The following RGS6 variants were observed in gnomAD, a reference collection of about 807,000 sequenced individuals.
The protein encoded by RGS6 is regulator of G-protein signaling 6.
Under a neutral mutation model 78.5 loss-of-function variants are expected in RGS6, and 30 were observed. The observed-to-expected ratio is 0.38, with a 90% CI of 0.29 to 0.52. The LOEUF is 0.52. Ranked by LOEUF, RGS6 falls within the 20% of genes least tolerant of loss-of-function variation. The probability of loss-of-function intolerance (pLI) is 0.85; values close to 1 mark genes in which losing one functional copy is unlikely to be tolerated. For synonymous variants in RGS6, 206 were observed against 206.0 expected, an observed-to-expected ratio of 1.00 and a Z score of 0.00; for missense variants, 495 against 609.7, an observed-to-expected ratio of 0.81 and a Z score of 1.98.
chr14:72,235,452 C>T (rs1236417864), intron 2 of RGS6, among the ~76,000 whole-genome samples: 2 of 152,206 alleles, frequency 1.3e-5, no homozygotes, highest in African/African-American at 2.4e-5. Flanking sequence ...TTGAAATAAA[C>T]TTTAATGAAC....
chr14:72,414,515 C>T (rs575070124), intron 3 of RGS6, among the ~76,000 whole-genome samples: 1 of 152,134 alleles, frequency 6.6e-6, no homozygotes, highest in Non-Finnish European at 1.5e-5. Context: ...TTCGAACTTC[C>T]TCCTTTAGCT....
Position 72,415,625 on chromosome 14 carries a change from G to A in RGS6, c.185-38903G>A, listed in dbSNP as rs139912473. Among the ~76,000 whole-genome samples the A allele has an allele frequency of 5.9e-4, 90 of 152,298 alleles. No individual in the cohort carries two copies. The East Asian group carries it at 7.2e-3, about 12-fold the overall frequency. ...AATGCACAAATCACCCATCTTCTGCGCTGGTCATGCTGGGAGCTGTAGACT... is the reference window on the plus strand; with the variant it reads ...AATGCACAAATCACCCATCTTCTGCACTGGTCATGCTGGGAGCTGTAGACT... On this transcript the variant is annotated intron_variant, in intron 3 of 17. Transcript: ENST00000553525.
chr14:72,341,447 T>C (rs1048814048), intron 2 of RGS6, among the ~76,000 whole-genome samples: 2 of 152,194 alleles, frequency 1.3e-5, no homozygotes, highest in Non-Finnish European at 2.9e-5. Context: ...CATAGTAACA[T>C]GTATAATACA....
At chr14:72,361,083 CTTTTTTT>C (rs56251149) in intron 3 of RGS6, among the ~76,000 whole-genome samples, 1 of 138,408 alleles carries the variant, frequency 7.2e-6, no homozygotes, top group African/African-American at 2.6e-5. Flanking sequence ...AATCAAACCT[CTTTTTTT>C]TTTTTTTTTT....
intron 2 of RGS6, among the ~76,000 whole-genome samples, chr14:72,180,794 A>G (rs2097164023): frequency 6.6e-6 from 1 of 152,206 alleles, no homozygotes; most frequent in Non-Finnish European, 1.5e-5. Context: ...GGGTCCTGAT[A>G]TAAATGATAC....
chr14:71,877,796 T>A, the RGS6 span, among the ~76,000 whole-genome samples: 2 of 152,252 alleles, frequency 1.3e-5, no homozygotes, highest in African/African-American at 4.8e-5. Context: ...TGCTCTGGTT[T>A]CTCCCCCTCT....
chr14:72,074,228 G>A (rs528200383), intron 2 of RGS6, among the ~76,000 whole-genome samples: 1 of 152,248 alleles, frequency 6.6e-6, no homozygotes, highest in South Asian at 2.1e-4. Flanking sequence ...GCAGGGTCTC[G>A]CTCTGCCGCT....
At chr14:72,441,879 G>A (rs557377819) in intron 3 of RGS6, among the ~76,000 whole-genome samples, 1 of 152,204 alleles carries the variant, frequency 6.6e-6, no homozygotes, top group Non-Finnish European at 1.5e-5. Flanking sequence ...CTGCCAACTG[G>A]CATTGCCCAG....
the RGS6 span, among the ~76,000 whole-genome samples, chr14:72,603,785 T>C: frequency 6.6e-6 from 1 of 152,236 alleles, no homozygotes; most frequent in South Asian, 2.1e-4. Flanking sequence ...GCTTGGGTGG[T>C]TGGGGTGGCA....
the RGS6 span, among the ~76,000 whole-genome samples, chr14:71,919,996 A>AAAAAT: frequency 3.9e-5 from 6 of 152,322 alleles, no homozygotes; most frequent in Admixed American, 6.5e-5. Context: ...TCTGTCTCAA[A>AAAAAT]AAAATAAAAT....
intron 2 of RGS6, among the ~76,000 whole-genome samples, chr14:72,202,868 T>C (rs2041871283): frequency 6.6e-6 from 1 of 151,798 alleles, no homozygotes; most frequent in Non-Finnish European, 1.5e-5. Flanking sequence ...TCCTGTTTTT[T>C]GTTTTGTTTT....
chr14:72,547,155 A>G, intron 17 of RGS6: 2 of 1,534,048 alleles, frequency 1.3e-6, no homozygotes, highest in South Asian at 1.2e-5. Flanking sequence ...GCCTCTGCCT[A>G]GGACAGAGCC....
At chr14:72,134,505 A>T (rs2096396942) in intron 2 of RGS6, among the ~76,000 whole-genome samples, 1 of 152,226 alleles carries the variant, frequency 6.6e-6, no homozygotes, top group African/African-American at 2.4e-5. Context: ...ATAGTTATTA[A>T]TTAGGTCCTT....
At chr14:71,964,432 G>C (rs1460502993) in intron 1 of RGS6, among the ~76,000 whole-genome samples, 1 of 152,170 alleles carries the variant, frequency 6.6e-6, no homozygotes, top group East Asian at 1.9e-4. Flanking sequence ...CTTAAACCCG[G>C]GAGGCGGAGG....
chr14:72,157,548 G>A (rs1239097225), intron 2 of RGS6, among the ~76,000 whole-genome samples: 4 of 152,172 alleles, frequency 2.6e-5, no homozygotes, highest in Non-Finnish European at 5.9e-5. Flanking sequence ...TTCTGTGGGC[G>A]TGTACTGCTG....
At chr14:71,887,621 G>T in the RGS6 span, among the ~76,000 whole-genome samples, 2 of 152,144 alleles carry the variant, frequency 1.3e-5, no homozygotes, top group South Asian at 4.1e-4. Flanking sequence ...AGTACCTTCA[G>T]GCTTACTAGG....
intron 3 of RGS6, among the ~76,000 whole-genome samples, chr14:72,361,620 A>C (rs910018044): frequency 4.6e-5 from 7 of 152,160 alleles, no homozygotes; most frequent in African/African-American, 1.7e-4. Flanking sequence ...TTTTTGGAGG[A>C]GAGGAGGTTA....
At chr14:72,612,485 G>C in the RGS6 span, 1 of 518,332 alleles carries the variant, frequency 1.9e-6, no homozygotes, top group Non-Finnish European at 3.8e-6. Flanking sequence ...TTGAAAATGT[G>C]CACGGGGTAT....
intron 2 of RGS6, among the ~76,000 whole-genome samples, chr14:72,049,584 A>C (rs1345393295): frequency 6.6e-6 from 1 of 152,240 alleles, no homozygotes; most frequent in East Asian, 1.9e-4. Flanking sequence ...AGCCAGAAGC[A>C]CACAAATGGG....
Sources: allele counts gnomAD v4.1 joint callset (sites outside exome capture counted in the v4.1 genomes callset), GRCh38; gene constraint gnomAD v4.1.1; transcripts MANE v1.5; gene names NCBI Gene and HGNC (gene_info 2026-07-23, HGNC 2026-07-21).